Variants in MAP3K5 observed in about 807,000 individuals in gnomAD.
The protein encoded by MAP3K5 is mitogen-activated protein kinase kinase kinase 5.
Under a neutral mutation model 158.7 loss-of-function variants are expected in MAP3K5, and 56 were observed. That is an observed-to-expected ratio of 0.35 (90% CI 0.28 to 0.44). The LOEUF (loss-of-function observed/expected upper bound fraction) is 0.44, where lower values mean the gene tolerates loss of function less well. MAP3K5 is among the 20% of genes least tolerant of loss of function. MAP3K5 has a pLI of 1.00. For missense variants in MAP3K5, 1,294 were observed against 1,674.8 expected (o/e 0.77, Z 3.97); for synonymous variants, 579 against 601.7 (o/e 0.96, Z 0.55).
chr6:136,677,139 T>G (rs1348120721), intron 7 of MAP3K5, among the ~76,000 whole-genome samples: 1 of 143,896 alleles, frequency 6.9e-6, no homozygotes, highest in Non-Finnish European at 1.5e-5. Context: ...TCCATTTTTT[T>G]TTTTTTTTTT....
At chr6:136,660,019 T>C (rs1211651134) in intron 8 of MAP3K5, among the ~76,000 whole-genome samples, 5 of 152,214 alleles carry the variant, frequency 3.3e-5, no homozygotes, top group Non-Finnish European at 7.3e-5. Flanking sequence ...AAATCTACAA[T>C]TTTTATATAT....
At chr6:136,614,596 T>C (rs895485599) in intron 15 of MAP3K5, among the ~76,000 whole-genome samples, 2 of 152,094 alleles carry the variant, frequency 1.3e-5, no homozygotes, top group African/African-American at 4.8e-5. Flanking sequence ...TTGCTCAAGA[T>C]CCCAAAGCTA....
intron 1 of MAP3K5, among the ~76,000 whole-genome samples, chr6:136,786,330 G>T (rs1339432937): frequency 7.2e-6 from 1 of 138,334 alleles, no homozygotes; most frequent in Non-Finnish European, 1.5e-5. Flanking sequence ...AGTGAGCCGA[G>T]ATCGAGCCAC....
intron 1 of MAP3K5, among the ~76,000 whole-genome samples, chr6:136,746,762 C>T (rs1048246057): frequency 1.3e-5 from 2 of 152,212 alleles, no homozygotes; most frequent in Non-Finnish European, 2.9e-5. Flanking sequence ...CTCTTTCTGA[C>T]CCCTACTCTT....
Position 136,636,181 on chromosome 6 carries a change from T to TAGGTCTTGAAGGCAGAGC in MAP3K5, c.2016+1126_2016+1143dup, listed in dbSNP as rs372127343. Among the ~76,000 whole-genome samples, 782 of 152,078 alleles carry TAGGTCTTGAAGGCAGAGC rather than the reference T, an allele frequency of 5.1e-3. 6 individuals carry two copies. Among genetic ancestry groups the TAGGTCTTGAAGGCAGAGC allele is most frequent in the African/African-American group, 0.018 (749 of 41,490 alleles). On this transcript the variant is annotated intron_variant, in intron 14 of 29. Transcript: ENST00000359015. ...GGAGGTGAGGCCTTTGGGAGGTGAT[T>TAGGTCTTGAAGGCAGAGC]AGGTCTTGAAGGCAGAGCAGGGTAA... is the stretch of plus-strand genomic sequence containing the variant.
rs973510079 is a variant in MAP3K5 at position 136,558,827 on chromosome 6, C to A, written c.4037G>T (p.Arg1346Leu). 1.9e-6 allele frequency: 3 copies of A among 1,605,008 alleles called. No homozygotes were observed. The highest frequency in any genetic ancestry group is 2.6e-6 in the Non-Finnish European group (3 of 1,172,270). ...TLLDVLYYVTRDDLKCLRLRG... is the reference protein window; with the variant it reads ...TLLDVLYYVTLDDLKCLRLRG... ...TAGTCTCAAGCATTTTAAGTCATCA[C>A]GTGTAACATAGTAGAGAACATCCAA... Residue 1346 changes from arginine to leucine, a missense_variant, in exon 29 of 30, where the codon CGT becomes CTT. By Grantham distance (102) the Arg-to-Leu change is moderately radical. Transcript: ENST00000359015.
chr6:136,682,493 A>G (rs938553270), intron 7 of MAP3K5, among the ~76,000 whole-genome samples: 2 of 152,190 alleles, frequency 1.3e-5, no homozygotes, highest in African/African-American at 2.4e-5. Context: ...TAATGTAAAA[A>G]CTAAATCTTT....
intron 1 of MAP3K5, among the ~76,000 whole-genome samples, chr6:136,763,881 G>A (rs1783856603): frequency 6.6e-6 from 1 of 152,094 alleles, no homozygotes; most frequent in Non-Finnish European, 1.5e-5. Flanking sequence ...GAGGAAATGA[G>A]ACCTAAGCTA....
In MAP3K5 at chr6:136,581,310, C is replaced by T. The variant is rs146065048; in HGVS notation, c.3412-904G>A. ...TGTCAGGATTTCTTTCCTTTTTAAG[C>T]TTGAATTATATTCCATTGTATGTAT... is the stretch of plus-strand genomic sequence containing the variant. On this transcript the variant is annotated intron_variant, in intron 24 of 29. Transcript: ENST00000359015. Among the ~76,000 whole-genome samples the T allele has an allele frequency of 6.4e-3, 967 of 152,218 alleles. 15 individuals carry two copies. The highest frequency in any genetic ancestry group is 0.022 in the African/African-American group (903 of 41,518).
Position 136,613,111 on chromosome 6 carries a change from GTACCTC to G in MAP3K5, c.2415+3_2415+8del. The G allele has an allele frequency of 6.3e-7, 1 of 1,596,708 alleles. No individual in the cohort carries two copies. Among genetic ancestry groups the G allele is most frequent in the Non-Finnish European group, 8.5e-7 (1 of 1,172,906 alleles). Reference sequence around the variant, plus strand: ...AGAACTCATGAAAATGAATGCTGGTGTACCTCACCTTTATGTCCCGGTGAACTATCT... The same window carrying G: ...AGAACTCATGAAAATGAATGCTGGTGACCTTTATGTCCCGGTGAACTATCT... On this transcript the variant is annotated splice_donor_5th_base_variant and intron_variant, in intron 17 of 29. Transcript: ENST00000359015. This position sits in a 1 kb window ranked among gnomAD's most constrained non-coding sequence, Gnocchi z 4.0.
chr6:136,792,084 G>T lies in MAP3K5; in HGVS notation c.74C>A (p.Pro25His). 6.3e-7 allele frequency: 1 copy of T among 1,579,456 alleles called. No individual in the cohort carries two copies. The highest frequency in any genetic ancestry group is 8.6e-7 in the Non-Finnish European group (1 of 1,166,908). Reference sequence around the variant, plus strand: ...TCCCCTCCTGCAGATGCCGCCCTCGGGGATGGTGCAGAAGCCCGAGGGGGC... The same window carrying T: ...TCCCCTCCTGCAGATGCCGCCCTCGTGGATGGTGCAGAAGCCCGAGGGGGC... Reference protein sequence around the residue: ...PFAPSGFCTIPEGGICRRGGA... With the variant: ...PFAPSGFCTIHEGGICRRGGA... The change falls in exon 1 of 30, where the codon CCC becomes CAC. Residue 25 changes from proline (P) to histidine (H), a missense_variant. By Grantham distance (77) the Pro-to-His change is moderately conservative. Transcript: ENST00000359015. This position sits in a 1 kb window ranked among gnomAD's most constrained non-coding sequence, Gnocchi z 5.7.
chr6:136,674,223 TA>T (rs1252924937), intron 7 of MAP3K5, among the ~76,000 whole-genome samples: 1 of 152,046 alleles, frequency 6.6e-6, no homozygotes, highest in Non-Finnish European at 1.5e-5. Flanking sequence ...TGCTTCAGAC[TA>T]AAGGAAAGTG....
chr6:136,727,703 G>A (rs1278204766), intron 1 of MAP3K5, among the ~76,000 whole-genome samples: 1 of 152,204 alleles, frequency 6.6e-6, no homozygotes, highest in African/African-American at 2.4e-5. Flanking sequence ...GCTCACACCT[G>A]TAATCCCAGC....
At chr6:136,736,446 C>T (rs1782465427) in intron 1 of MAP3K5, among the ~76,000 whole-genome samples, 1 of 152,076 alleles carries the variant, frequency 6.6e-6, no homozygotes, top group African/African-American at 2.4e-5. Flanking sequence ...AATTTCATTC[C>T]TAGCGTACGT....
At position 136,583,710 on chromosome 6, in the gene MAP3K5, G is replaced by C. The variant is rs1023432723; in HGVS notation, c.3256C>G (p.His1086Asp). 1.2e-6 allele frequency: 2 copies of C among 1,613,930 alleles called. No homozygotes were observed. The highest frequency in any genetic ancestry group is 3.3e-5 in the Admixed American group (2 of 59,982). Reference protein sequence around the residue: ...GAEEPKLKWEHITTLIASLRE... With the variant: ...GAEEPKLKWEDITTLIASLRE... ...AGGCTTGCAATGAGGGTTGTGATGT[G>C]TTCCCATTTTAGTTTCGGTTCTTCA... is the stretch of plus-strand genomic sequence containing the variant. The change falls in exon 24 of 30, where the codon CAC becomes GAC. Residue 1086 changes from histidine (H) to aspartate (D), a missense_variant. By Grantham distance (81) the His-to-Asp change is moderately conservative (BLOSUM62 -1). Around this residue, in one of 5 missense-constraint regions of MAP3K5, gnomAD observed 362 missense variants for 463.2 expected, o/e 0.78. Transcript: ENST00000359015.
chr6:136,630,042 C>T (rs887866213), intron 14 of MAP3K5, among the ~76,000 whole-genome samples: 1 of 152,100 alleles, frequency 6.6e-6, no homozygotes, highest in Non-Finnish European at 1.5e-5. Flanking sequence ...TGAGCCACCA[C>T]ACCCGGCCTA....
At chr6:136,601,521 C>T (rs116706656) in intron 20 of MAP3K5, among the ~76,000 whole-genome samples, 1,905 of 152,214 alleles carry the variant, frequency 0.013, 43 homozygotes, top group African/African-American at 0.043. Context: ...TACACTTGAA[C>T]CTTAGTATCC....
At chr6:136,685,418 G>T (rs1043420946) in intron 7 of MAP3K5, among the ~76,000 whole-genome samples, 3 of 152,052 alleles carry the variant, frequency 2.0e-5, no homozygotes, top group African/African-American at 7.3e-5. Context: ...GATCACATTA[G>T]AGACTCTCTG....
At chr6:136,680,927 G>T (rs1779907514) in intron 7 of MAP3K5, among the ~76,000 whole-genome samples, 1 of 152,086 alleles carries the variant, frequency 6.6e-6, no homozygotes, top group Non-Finnish European at 1.5e-5. Context: ...AATCTTGGAG[G>T]CTATGAAGAA....
Sources: allele counts gnomAD v4.1 joint callset (sites outside exome capture counted in the v4.1 genomes callset), GRCh38; gene constraint gnomAD v4.1.1; regional missense constraint gnomAD v4.1.1; non-coding constraint Gnocchi (gnomAD v3.1); transcripts MANE v1.5; gene names NCBI Gene and HGNC (gene_info 2026-07-23, HGNC 2026-07-21).